The following NCAM1 variants were observed in gnomAD, a reference collection of about 807,000 sequenced individuals.
NCAM1 encodes neural cell adhesion molecule 1.
NCAM1 carries 14 observed loss-of-function variants against 109.8 expected under a neutral mutation model. The ratio of observed to expected loss-of-function variants is 0.13; its 90% CI spans 0.08 to 0.20. NCAM1 has a LOEUF of 0.20. Ranked by LOEUF, NCAM1 falls within the 10% of genes least tolerant of loss-of-function variation. The probability of loss-of-function intolerance (pLI) is 1.00; values close to 1 mark genes in which losing one functional copy is unlikely to be tolerated. For synonymous variants in NCAM1, 418 were observed against 442.9 expected, an observed-to-expected ratio of 0.94 and a Z score of 0.70; for missense variants, 774 against 1,109.9, an observed-to-expected ratio of 0.70 and a Z score of 4.30.
At chr11:112,985,720 T>C (rs1951282337) in intron 1 of NCAM1, among the ~76,000 whole-genome samples, 1 of 151,924 alleles carries the variant, frequency 6.6e-6, no homozygotes, top group Non-Finnish European at 1.5e-5. Context: ...TTGTTTTTAG[T>C]GTATAGAAAT....
chr11:113,034,159 G>A (rs781896026), intron 1 of NCAM1, among the ~76,000 whole-genome samples: 3 of 152,162 alleles, frequency 2.0e-5, no homozygotes, highest in Non-Finnish European at 4.4e-5. Flanking sequence ...TCACTCACAT[G>A]TCCTGGGGGT....
chr11:113,261,147 G>T (rs1247227284), intron 17 of NCAM1, among the ~76,000 whole-genome samples: 3 of 152,080 alleles, frequency 2.0e-5, no homozygotes, highest in African/African-American at 7.2e-5. Context: ...GGGCCCCATA[G>T]ACCCTGCCAT....
intron 1 of NCAM1, among the ~76,000 whole-genome samples, chr11:112,966,435 GT>G (rs1950730334): frequency 6.6e-6 from 1 of 152,158 alleles, no homozygotes; most frequent in Admixed American, 6.5e-5. Flanking sequence ...TAATGATTAG[GT>G]TTCTATGAGC....
intron 1 of NCAM1, among the ~76,000 whole-genome samples, chr11:113,121,812 G>A (rs549725030): frequency 6.6e-6 from 1 of 152,306 alleles, no homozygotes; most frequent in South Asian, 2.1e-4. Context: ...GTCTGTAAAT[G>A]TGGACCTATT....
chr11:112,962,366 G>C lies in NCAM1; in HGVS notation c.52+702G>C, dbSNP rs924841303. On this transcript the variant is annotated intron_variant, in intron 1 of 19. Coordinates refer to ENST00000316851, the MANE Select transcript of NCAM1 (RefSeq NM_181351.5). This position sits in a 1 kb window ranked among gnomAD's most constrained non-coding sequence, Gnocchi z 5.6. ...GCGAGCACTGAAGGATGGGAGGGTC[G>C]AGCGCCGCGTTTTGACAGGAGGAAG... Among the ~76,000 whole-genome samples, 1 of 152,062 alleles carries C rather than the reference G, an allele frequency of 6.6e-6. No individual in the cohort carries two copies.
At chr11:113,192,418 C>A (rs921169929) in intron 1 of NCAM1, among the ~76,000 whole-genome samples, 2 of 42,898 alleles carry the variant, frequency 4.7e-5, no homozygotes, top group African/African-American at 2.3e-4. Flanking sequence ...AGGGAAAGAA[C>A]AGGAAAGGTG....
chr11:113,117,771 A>G (rs1370680265), intron 1 of NCAM1, among the ~76,000 whole-genome samples: 1 of 152,086 alleles, frequency 6.6e-6, no homozygotes, highest in Non-Finnish European at 1.5e-5. Flanking sequence ...GCCAGAACAG[A>G]ATATGAAGAC....
At chr11:113,003,158 T>C (rs973989923) in intron 1 of NCAM1, among the ~76,000 whole-genome samples, 12 of 152,240 alleles carry the variant, frequency 7.9e-5, no homozygotes, top group Non-Finnish European at 1.8e-4. Context: ...ACACTCCCTG[T>C]TAAAGGAATA....
intron 1 of NCAM1, among the ~76,000 whole-genome samples, chr11:112,994,896 T>C (rs1206029957): frequency 3.9e-5 from 6 of 152,164 alleles, no homozygotes; most frequent in Non-Finnish European, 8.8e-5. Context: ...TTGTATGTTA[T>C]CTTTATCCTT....
At chr11:113,004,823 A>ATTTT (rs35826341) in intron 1 of NCAM1, among the ~76,000 whole-genome samples, 4 of 147,668 alleles carry the variant, frequency 2.7e-5, no homozygotes, top group African/African-American at 1.0e-4. Flanking sequence ...TGATTCTTTG[A>ATTTT]TTTTTTTTTT....
At chr11:113,009,172 G>C (rs565940791) in intron 1 of NCAM1, among the ~76,000 whole-genome samples, 1 of 151,906 alleles carries the variant, frequency 6.6e-6, no homozygotes, top group Non-Finnish European at 1.5e-5. Context: ...TTTTCAAATA[G>C]GACAGACTCA....
rs1555126924 is a variant in NCAM1, at chr11:113,277,849, T to TTAAAAAAAAA, written c.*2462_*2463insTAAAAAAAAA. 2 of 63,250 alleles carry TTAAAAAAAAA rather than the reference T, an allele frequency of 3.2e-5. No individual in the cohort carries two copies. The highest frequency in any genetic ancestry group is 1.0e-3 in the South Asian group (1 of 964). 3.9% of individuals were successfully genotyped at this position (63,250 alleles called of 1,614,324 possible). A position where few individuals can be genotyped will look rare whatever the true frequency, so the allele number is the denominator to read the frequency against. The stretch of plus-strand genomic sequence containing the variant: ...TCTCAGCATGCAAGAGTTTTTCCTT[T>TTAAAAAAAAA]AAAAAAAAAAAAAAAAAAAAAAAAA... On this transcript the variant is annotated 3_prime_UTR_variant, in exon 20 of 20. Coordinates refer to ENST00000316851, the MANE Select transcript of NCAM1 (RefSeq NM_181351.5).
intron 1 of NCAM1, among the ~76,000 whole-genome samples, chr11:113,166,806 T>C (rs1942813973): frequency 6.6e-6 from 1 of 152,144 alleles, no homozygotes; most frequent in African/African-American, 2.4e-5. Flanking sequence ...ACCTACTGTA[T>C]GTCAACTTCA....
intron 17 of NCAM1, among the ~76,000 whole-genome samples, chr11:113,262,559 C>T (rs945772192): frequency 6.6e-6 from 1 of 152,228 alleles, no homozygotes; most frequent in Admixed American, 6.5e-5. Flanking sequence ...CTGAACTGGC[C>T]TTATGGTATT....
intron 1 of NCAM1, among the ~76,000 whole-genome samples, chr11:113,005,423 C>T (rs1951868529): frequency 6.6e-6 from 1 of 152,094 alleles, no homozygotes; most frequent in Non-Finnish European, 1.5e-5. Flanking sequence ...TTTGGTTCCT[C>T]CTGGAAAAGA....
At chr11:113,256,422 T>C (rs1945836074) in intron 16 of NCAM1, among the ~76,000 whole-genome samples, 1 of 152,248 alleles carries the variant, frequency 6.6e-6, no homozygotes, top group Non-Finnish European at 1.5e-5. Context: ...ACAAGAACCC[T>C]GTACAGTAGG....
In NCAM1 at chr11:112,962,796, T is replaced by C. The variant is rs1383951090; in HGVS notation, c.52+1132T>C. On this transcript the variant is annotated intron_variant, in intron 1 of 19. Transcript: ENST00000316851. This position sits in a 1 kb window ranked among gnomAD's most constrained non-coding sequence, Gnocchi z 5.6. ...TCCACCCAAGGATTTGCGCTTTGGC[T>C]CTGATGGACGGGAGGGAAGGAAGAA... is the stretch of plus-strand genomic sequence containing the variant. Among the ~76,000 whole-genome samples the C allele has an allele frequency of 6.6e-6, 1 of 151,828 alleles. No homozygotes were observed. The highest frequency in any genetic ancestry group is 6.6e-5 in the Admixed American group (1 of 15,256).
chr11:113,244,678 TG>T (rs1945446559), intron 14 of NCAM1, among the ~76,000 whole-genome samples: 1 of 150,860 alleles, frequency 6.6e-6, no homozygotes, highest in South Asian at 2.1e-4. Context: ...TGTGTGTGTG[TG>T]TGTGTGTGGA....
intron 15 of NCAM1, among the ~76,000 whole-genome samples, chr11:113,248,092 AT>A (rs1473661949): frequency 1.3e-5 from 2 of 152,142 alleles, no homozygotes; most frequent in Non-Finnish European, 2.9e-5. Flanking sequence ...GTAGACACTA[AT>A]TCATTCCTCT....
Sources: gnomAD v4.1 joint callset for allele counts (sites outside exome capture counted in the v4.1 genomes callset) on GRCh38, gnomAD v4.1.1 for gene constraint, Gnocchi (gnomAD v3.1) non-coding constraint, MANE v1.5 for transcripts, NCBI Gene and HGNC (gene_info 2026-07-23, HGNC 2026-07-21) for gene names.